Variants in ABLIM1 observed in about 807,000 individuals in gnomAD.
The protein encoded by ABLIM1 is actin-binding LIM protein 1.
In ABLIM1, 40 loss-of-function variants were observed where a neutral mutation model predicts 107.0. The ratio of observed to expected loss-of-function variants is 0.37; its 90% confidence interval spans 0.29 to 0.49. The LOEUF is 0.49. Ranked by LOEUF, ABLIM1 falls within the 20% of genes least tolerant of loss-of-function variation. ABLIM1 has a pLI of 0.97. For synonymous variants in ABLIM1, 357 were observed against 357.3 expected (o/e 1.00, Z 0.01); for missense variants, 857 against 1,008.5 (o/e 0.85, Z 2.04).
chr10:114,681,622 A>G (rs1439645389), intron 1 of ABLIM1, among the ~76,000 whole-genome samples: 2 of 152,204 alleles, frequency 1.3e-5, no homozygotes, highest in Admixed American at 1.3e-4. Context: ...CGCCACTTCA[A>G]TTCACATGAC....
At chr10:114,543,605 T>C (rs928580245) in intron 6 of ABLIM1, among the ~76,000 whole-genome samples, 2 of 152,214 alleles carry the variant, frequency 1.3e-5, no homozygotes, top group African/African-American at 4.8e-5. Flanking sequence ...CGTGCGTACA[T>C]AGATTTGAGA....
intron 1 of ABLIM1, chr10:114,690,029 G>GAAC: frequency 1.5e-6 from 1 of 681,468 alleles, no homozygotes; most frequent in Non-Finnish European, 2.5e-6. Flanking sequence ...AACCCAAAGG[G>GAAC]AACTGCAGCA....
intron 5 of ABLIM1, 64 bp downstream of exon 5, chr10:114,547,586 C>T: frequency 6.3e-7 from 1 of 1,599,740 alleles, no homozygotes; most frequent in South Asian, 1.1e-5. Flanking sequence ...GAGACCAGGA[C>T]CTGCAGAAGA....
intron 15 of ABLIM1, 58 bp from the exon 16 acceptor site, chr10:114,445,461 G>C (rs769137038): frequency 7.1e-7 from 1 of 1,417,058 alleles, no homozygotes; most frequent in Non-Finnish European, 1.0e-6. Context: ...GAATCTTAAC[G>C]GGCTAGTCCA....
intron 1 of ABLIM1, among the ~76,000 whole-genome samples, chr10:114,750,609 C>T (rs2082489699): frequency 6.6e-6 from 1 of 152,160 alleles, no homozygotes; most frequent in South Asian, 2.1e-4. Context: ...GACAACAATT[C>T]CCTATAAAAC....
At chr10:114,574,977 C>T (rs1454457795) in intron 3 of ABLIM1, among the ~76,000 whole-genome samples, 1 of 152,160 alleles carries the variant, frequency 6.6e-6, no homozygotes, top group Non-Finnish European at 1.5e-5. Flanking sequence ...AGAACTTTAT[C>T]CACAAAAACA....
intron 5 of ABLIM1, among the ~76,000 whole-genome samples, chr10:114,546,301 T>C (rs917725043): frequency 3.6e-4 from 54 of 150,244 alleles, no homozygotes; most frequent in African/African-American, 1.2e-3. Flanking sequence ...TTCTTTCTTT[T>C]TTTTTTTTTT....
At chr10:114,703,818 G>C (rs191140906) in intron 1 of ABLIM1, among the ~76,000 whole-genome samples, 2 of 152,220 alleles carry the variant, frequency 1.3e-5, no homozygotes, top group African/African-American at 2.4e-5. Context: ...CGCAGATAGA[G>C]GCTGGGGGCA....
At chr10:114,595,799 C>T (rs549696883) in intron 2 of ABLIM1, among the ~76,000 whole-genome samples, 42 of 152,284 alleles carry the variant, frequency 2.8e-4, no homozygotes, top group African/African-American at 1.0e-3. Flanking sequence ...TGCCATCTTC[C>T]AGTATTCAGT....
intron 1 of ABLIM1, among the ~76,000 whole-genome samples, chr10:114,676,484 C>A (rs558017655): frequency 2.7e-4 from 40 of 146,396 alleles, no homozygotes; most frequent in African/African-American, 9.7e-4. Context: ...TCAAAAAAGA[C>A]TCTGTCTCAA....
chr10:114,537,151 T>C (rs565442851), intron 6 of ABLIM1, among the ~76,000 whole-genome samples: 4 of 152,218 alleles, frequency 2.6e-5, no homozygotes, highest in Admixed American at 1.3e-4. Flanking sequence ...GTAATGATTA[T>C]TGTCAGGTAG....
In ABLIM1 at chr10:114,453,457, A is replaced by C. The variant is rs752183824; in HGVS notation, c.1468T>G (p.Ser490Ala). The change falls in exon 13 of 23, where the codon TCC (serine) becomes GCC (alanine). Residue 490 changes from serine to alanine, a missense_variant. Coordinates refer to ENST00000533213, the MANE Select transcript of ABLIM1 (RefSeq NM_002313.7). ...CTGTCTGGCCGGTAAGGGAGAGGGG[A>C]GTTCCGGCCGCTGGACGGCTCATTG... is the stretch of plus-strand genomic sequence containing the variant. Reference protein sequence around the residue: ...PGNEPSSGRNSPLPYRPDSRP... With the variant: ...PGNEPSSGRNAPLPYRPDSRP... The C allele has an allele frequency of 6.7e-5, 107 of 1,607,406 alleles. No individual in the cohort carries two copies. Among genetic ancestry groups the C allele is most frequent in the Non-Finnish European group, 4.3e-6 (5 of 1,175,632 alleles).
intron 1 of ABLIM1, among the ~76,000 whole-genome samples, chr10:114,712,024 G>T (rs1415231505): frequency 6.6e-6 from 1 of 152,020 alleles, no homozygotes; most frequent in Non-Finnish European, 1.5e-5. Context: ...CTGCCTGGGG[G>T]TCTCCAGGGT....
At chr10:114,465,610 AT>A in intron 12 of ABLIM1, 87 bp downstream of exon 12, 1 of 1,502,966 alleles carries the variant, frequency 6.7e-7, no homozygotes, top group Non-Finnish European at 9.0e-7. Context: ...TTAGTCGTTG[AT>A]TTTTCAATGT....
chr10:114,491,012 G>GTGTATGTATATA lies in ABLIM1; in HGVS notation c.982+778_982+779insTATATACATACA. Among the ~76,000 whole-genome samples, 456 of 92,390 alleles carry GTGTATGTATATA rather than the reference G, an allele frequency of 4.9e-3. 8 individuals are homozygous for GTGTATGTATATA. Among genetic ancestry groups the GTGTATGTATATA allele is most frequent in the Non-Finnish European group, 5.7e-3 (289 of 50,840 alleles). The allele number at this position is 92,390 out of a possible 152,430, so 60.6% of individuals were successfully genotyped here. ...TGTGTGTGTGTGTGTGTGTGTGTGT[G>GTGTATGTATATA]TATATATATATATGGTCTATTTTAT... On this transcript the variant is annotated intron_variant, in intron 7 of 22. Transcript: ENST00000533213.
intron 1 of ABLIM1, among the ~76,000 whole-genome samples, chr10:114,736,542 TAA>T (rs1197851912): frequency 1.2e-4 from 19 of 152,166 alleles, no homozygotes; most frequent in Non-Finnish European, 2.1e-4. Flanking sequence ...GGGAAAAATA[TAA>T]ATGGTACATC....
At chr10:114,590,677 A>T (rs1049564772) in intron 2 of ABLIM1, among the ~76,000 whole-genome samples, 1 of 152,050 alleles carries the variant, frequency 6.6e-6, no homozygotes. Context: ...TCTCTCCTGG[A>T]AGGAAAGTGA....
chr10:114,685,932 CG>C (rs1256501615), upstream of ABLIM1, among the ~76,000 whole-genome samples: 1 of 152,108 alleles, frequency 6.6e-6, no homozygotes, highest in African/African-American at 2.4e-5. Context: ...CTTTAAATCT[CG>C]AAGTATTATT....
chr10:114,535,824 C>T (rs2065940784), intron 6 of ABLIM1, among the ~76,000 whole-genome samples: 1 of 152,056 alleles, frequency 6.6e-6, no homozygotes, highest in Non-Finnish European at 1.5e-5. Context: ...TTTCTTTTAG[C>T]CAAACGTGGA....
Sources: allele counts gnomAD v4.1 joint callset (sites outside exome capture counted in the v4.1 genomes callset), GRCh38; gene constraint gnomAD v4.1.1; transcripts MANE v1.5; gene names NCBI Gene and HGNC (gene_info 2026-07-23, HGNC 2026-07-21).